Variants in CNTNAP3B observed in about 807,000 individuals in gnomAD.
CNTNAP3B encodes contactin associated protein family member 3B.
CNTNAP3B carries 25 observed loss-of-function variants against 108.9 expected under a neutral mutation model. The ratio of observed to expected loss-of-function variants is 0.23; its 90% CI spans 0.17 to 0.32. CNTNAP3B has a LOEUF of 0.32. CNTNAP3B is among the 10% of genes least tolerant of loss of function. The pLI is 1.00. For missense variants in CNTNAP3B, 252 were observed against 1,210.4 expected (o/e 0.21, Z 11.75); for synonymous variants, 103 against 473.4 (o/e 0.22, Z 10.16).
At chr9:42,060,039 T>C (rs1169214752) in intron 3 of CNTNAP3B, among the ~76,000 whole-genome samples, 2 of 149,964 alleles carry the variant, frequency 1.3e-5, no homozygotes, top group African/African-American at 5.0e-5. Flanking sequence ...CTAATTGTTC[T>C]GGATAGAACT....
chr9:41,928,558 G>A (rs1427847382), intron 15 of CNTNAP3B, among the ~76,000 whole-genome samples: 5 of 152,270 alleles, frequency 3.3e-5, no homozygotes, highest in Admixed American at 6.5e-5. Flanking sequence ...ACACCATCTG[G>A]CACACTCGGC....
At chr9:41,973,842 T>C (rs1825475394) in intron 9 of CNTNAP3B, among the ~76,000 whole-genome samples, 1 of 131,726 alleles carries the variant, frequency 7.6e-6, no homozygotes, top group Non-Finnish European at 1.6e-5. Context: ...ACTTTCTCTT[T>C]CTTTCTCTCT....
chr9:42,047,741 C>T (rs1422454080), intron 3 of CNTNAP3B, among the ~76,000 whole-genome samples: 1 of 96,468 alleles, frequency 1.0e-5, no homozygotes, highest in Non-Finnish European at 2.1e-5. Flanking sequence ...TGCCCCTCGC[C>T]CCTCTCACCT....
chr9:41,927,736 G>A (rs1381730062), intron 15 of CNTNAP3B, among the ~76,000 whole-genome samples: 2 of 152,254 alleles, frequency 1.3e-5, no homozygotes, highest in Non-Finnish European at 2.9e-5. Context: ...AAAAATCAAA[G>A]ACCCAAACAA....
chr9:42,076,818 T>C (rs559908013), intron 3 of CNTNAP3B, 51 bp downstream of exon 3: 1 of 1,497,332 alleles, frequency 6.7e-7, no homozygotes, highest in African/African-American at 1.6e-5. Flanking sequence ...AATTCTGTTT[T>C]TCTAATAGGT....
chr9:41,946,060 C>G (rs971290215), intron 13 of CNTNAP3B, among the ~76,000 whole-genome samples: 2 of 151,582 alleles, frequency 1.3e-5, no homozygotes, highest in South Asian at 2.1e-4. Flanking sequence ...TATGTATATA[C>G]CTAGCAACAG....
chr9:41,959,703 T>A (rs1825001447), intron 12 of CNTNAP3B, among the ~76,000 whole-genome samples: 1 of 152,312 alleles, frequency 6.6e-6, no homozygotes, highest in South Asian at 2.1e-4. Context: ...ACATCCCCTG[T>A]AAAGTTTTAC....
chr9:42,088,814 C>A lies in CNTNAP3B; in HGVS notation c.197-11752G>T, dbSNP rs548699348. Among the ~76,000 whole-genome samples, 169 of 139,276 alleles carry A rather than the reference C, an allele frequency of 1.2e-3. 19 individuals are homozygous for A. Among genetic ancestry groups the A allele is most frequent in the African/African-American group, 4.6e-3 (164 of 35,320 alleles). The allele number at this position is 139,276 out of a possible 152,430, so 91.4% of individuals were successfully genotyped here. On this transcript the variant is annotated intron_variant, in intron 2 of 23. Transcript: ENST00000377561. Reference sequence around the variant, plus strand: ...GTATTAATGTTCTACTTTTCAGGTCCTTTGTTGCATATGTAAATTGGCACA... The same window carrying A: ...GTATTAATGTTCTACTTTTCAGGTCATTTGTTGCATATGTAAATTGGCACA...
intron 3 of CNTNAP3B, among the ~76,000 whole-genome samples, chr9:42,020,350 G>T (rs1195686570): frequency 2.6e-5 from 4 of 151,904 alleles, no homozygotes; most frequent in Non-Finnish European, 5.9e-5. Flanking sequence ...GACTTTAAAT[G>T]ATCACATTAG....
chr9:42,070,839 G>A (rs1350053715), intron 3 of CNTNAP3B, among the ~76,000 whole-genome samples: 3 of 151,934 alleles, frequency 2.0e-5, no homozygotes, highest in Non-Finnish European at 1.5e-5. Flanking sequence ...ATACACACAG[G>A]CCATGGGAGA....
chr9:42,089,915 T>G (rs942100826), intron 2 of CNTNAP3B, among the ~76,000 whole-genome samples: 5 of 139,370 alleles, frequency 3.6e-5, no homozygotes, highest in Admixed American at 1.4e-4. Flanking sequence ...AGTTCATGGT[T>G]TTCAATATAT....
intron 16 of CNTNAP3B, among the ~76,000 whole-genome samples, chr9:41,923,416 C>T (rs1823721387): frequency 6.6e-6 from 1 of 151,728 alleles, no homozygotes; most frequent in Non-Finnish European, 1.5e-5. Flanking sequence ...GAAGGCATGA[C>T]ATTTTAATGG....
intron 23 of CNTNAP3B, among the ~76,000 whole-genome samples, chr9:41,894,314 G>T (rs1167447809): frequency 1.7e-5 from 2 of 114,336 alleles, no homozygotes; most frequent in African/African-American, 8.5e-5. Context: ...TCTTTGTAGA[G>T]ATGGGGTGTT....
intron 13 of CNTNAP3B, among the ~76,000 whole-genome samples, chr9:41,947,639 C>G (rs1308297748): frequency 6.6e-6 from 1 of 151,688 alleles, no homozygotes; most frequent in African/African-American, 2.4e-5. Flanking sequence ...AACTAGAAAA[C>G]AAAATTAACT....
intron 13 of CNTNAP3B, among the ~76,000 whole-genome samples, chr9:41,942,396 G>A (rs1371542949): frequency 2.0e-4 from 31 of 152,128 alleles, no homozygotes; most frequent in African/African-American, 6.5e-4. Context: ...GGATCACGAG[G>A]TCAGGAGATC....
chr9:42,099,769 A>G (rs1827986466), intron 2 of CNTNAP3B, among the ~76,000 whole-genome samples: 1 of 102,522 alleles, frequency 9.8e-6, no homozygotes, highest in Admixed American at 1.0e-4. Flanking sequence ...ACAAATAACA[A>G]TGCTGTCTAA....
At chr9:41,919,455 G>A (rs1389041323) in intron 18 of CNTNAP3B, among the ~76,000 whole-genome samples, 4 of 152,386 alleles carry the variant, frequency 2.6e-5, no homozygotes, top group Middle Eastern at 3.4e-3. Flanking sequence ...CAGAAGCTGT[G>A]TGATACCCCA....
rs1236464099 is a variant in CNTNAP3B at position 42,066,552 on chromosome 9, G to A, written c.390+10317C>T. Among the ~76,000 whole-genome samples the A allele has an allele frequency of 3.2e-5, 4 of 123,790 alleles. 1 individual carries two copies. Among genetic ancestry groups the A allele is most frequent in the African/African-American group, 1.0e-4 (3 of 30,062 alleles). The allele number at this position is 123,790 out of a possible 152,430, so 81.2% of individuals were successfully genotyped here. On this transcript the variant is annotated intron_variant, in intron 3 of 23. Transcript: ENST00000377561. ...AGTGATTCTCCTGACTCAGCCTTCC[G>A]AGTAGCTGGGATTACAGGCGCCTGC...
At chr9:41,945,848 C>T (rs1331018782) in intron 13 of CNTNAP3B, among the ~76,000 whole-genome samples, 2 of 152,048 alleles carry the variant, frequency 1.3e-5, no homozygotes, top group African/African-American at 2.4e-5. Context: ...TACTGAAATC[C>T]TCTTTAAATA....
Sources: allele counts gnomAD v4.1 joint callset (sites outside exome capture counted in the v4.1 genomes callset), GRCh38; gene constraint gnomAD v4.1.1; transcripts MANE v1.5; gene names NCBI Gene and HGNC (gene_info 2026-07-23, HGNC 2026-07-21).